Variants in TERT observed in about 807,000 individuals in gnomAD.
TERT encodes telomerase catalytic subunit.
In TERT, 42 loss-of-function variants were observed where a neutral mutation model predicts 104.0. The ratio of observed to expected loss-of-function variants is 0.40; its 90% CI spans 0.32 to 0.52. The LOEUF (loss-of-function observed/expected upper bound fraction) is 0.52, where lower values mean the gene tolerates loss of function less well. Among genes scored for constraint, TERT ranks in the 20% least tolerant of loss-of-function variants. The pLI, the probability that TERT is intolerant of heterozygous loss-of-function variation, is 0.43. For synonymous variants in TERT, 781 were observed against 725.6 expected (o/e 1.08, Z -1.23); for missense variants, 1,101 against 1,610.3 (o/e 0.68, Z 5.41).
rs1400300638 is a variant in TERT, at chr5:1,271,989, T to TAG, written c.2382+195_2382+196insCT. Among the ~76,000 whole-genome samples the TAG allele has an allele frequency of 6.6e-5, 10 of 152,358 alleles. No homozygotes were observed. The East Asian group carries it at 1.7e-3, about 26-fold the overall frequency. ...AGTCAAACGTGAGCAGGTGCCTGAA[T>TAG]GCAGCAGCTGTCGCAGCCTGGCATG... On this transcript the variant is annotated intron_variant, in intron 7 of 15. Transcript: ENST00000310581.
chr5:1,284,449 TCACCCCGGACCGGCAC>T, intron 2 of TERT, among the ~76,000 whole-genome samples: 2 of 105,930 alleles, frequency 1.9e-5, no homozygotes, highest in Non-Finnish European at 4.1e-5. Context: ...TCTGGCGACC[TCACCCCGGACCGGCAC>T]CATCCGGACT....
At chr5:1,259,752 C>T (rs1748074263) in intron 12 of TERT, among the ~76,000 whole-genome samples, 1 of 139,022 alleles carries the variant, frequency 7.2e-6, no homozygotes, top group Non-Finnish European at 1.5e-5. Flanking sequence ...ACGCGGATGC[C>T]CACAGGAGAG....
In TERT at chr5:1,292,596, T is replaced by A. The variant is rs1193371873; in HGVS notation, c.1573+717A>T. Among the ~76,000 whole-genome samples the A allele has an allele frequency of 6.6e-6, 1 of 152,130 alleles. No individual in the cohort carries two copies. Among genetic ancestry groups the A allele is most frequent in the Admixed American group, 6.5e-5 (1 of 15,270 alleles). On this transcript the variant is annotated intron_variant, in intron 2 of 15. Transcript: ENST00000310581. The surrounding 1 kb of genome is among the most constrained non-coding windows in gnomAD (Gnocchi z 5.5). ...GGCACAATCTCAGCTCACTGCAGCC[T>A]CCGCCTCCTGGGTTCAAGTGATTCT...
intron 15 of TERT, among the ~76,000 whole-genome samples, 160 bp downstream of exon 15, chr5:1,254,208 C>T (rs562607702): frequency 2.0e-5 from 3 of 152,242 alleles, no homozygotes; most frequent in Non-Finnish European, 4.4e-5. Context: ...GGGACACCAG[C>T]GTTTAATCAC....
chr5:1,259,488 G>A (rs1300058482), intron 12 of TERT, among the ~76,000 whole-genome samples: 3 of 124,374 alleles, frequency 2.4e-5, no homozygotes, highest in Admixed American at 8.2e-5. Context: ...GGACGCGGAC[G>A]CCCACAGGAG....
At chr5:1,259,077 A>G (rs1264299789) in intron 12 of TERT, among the ~76,000 whole-genome samples, 3 of 144,314 alleles carry the variant, frequency 2.1e-5, no homozygotes, top group East Asian at 2.1e-4. Flanking sequence ...AGTGGATGTA[A>G]ATGCCCACAG....
rs1748544217 is a variant in TERT at position 1,265,705 on chromosome 5, A to T, written c.2654+759T>A. ...CGGGTCCAAATGGGTTTTCACAAAC[A>T]CAGCCCAGCAAAGCACCTGAAACCA... On this transcript the variant is annotated intron_variant, in intron 10 of 15. Coordinates refer to ENST00000310581, the MANE Select transcript of TERT (RefSeq NM_198253.3). This position sits in a 1 kb window ranked among gnomAD's most constrained non-coding sequence, Gnocchi z 6.9. Among the ~76,000 whole-genome samples the T allele has an allele frequency of 6.6e-6, 1 of 152,126 alleles. No homozygotes were observed. Among genetic ancestry groups the T allele is most frequent in the Non-Finnish European group, 1.5e-5 (1 of 68,006 alleles).
At chr5:1,266,202 C>T (rs564019793) in intron 10 of TERT, among the ~76,000 whole-genome samples, 6 of 152,332 alleles carry the variant, frequency 3.9e-5, no homozygotes, top group South Asian at 2.1e-4. Flanking sequence ...GCCAGGTCAC[C>T]GCCTGCACTC....
rs1215076571 is a variant in TERT at position 1,255,688 on chromosome 5, G to A, written c.3033-277C>T. On this transcript the variant is annotated intron_variant, in intron 13 of 15. Coordinates refer to ENST00000310581, the MANE Select transcript of TERT (RefSeq NM_198253.3). This position sits in a 1 kb window ranked among gnomAD's most constrained non-coding sequence, Gnocchi z 6.9. Reference sequence around the variant, plus strand: ...TGGAGGCTGAAGCAGCTCCATCCTGGATGCCAGCCCCCCATGCTGGCTTCT... The same window carrying A: ...TGGAGGCTGAAGCAGCTCCATCCTGAATGCCAGCCCCCCATGCTGGCTTCT... Among the ~76,000 whole-genome samples, 1 of 152,226 alleles carries A rather than the reference G, an allele frequency of 6.6e-6. No homozygotes were observed. The highest frequency in any genetic ancestry group is 1.5e-5 in the Non-Finnish European group (1 of 68,038).
chr5:1,286,236 C>T lies in TERT; in HGVS notation c.1574-3612G>A, dbSNP rs898499618. Among the ~76,000 whole-genome samples, 5 of 152,098 alleles carry T rather than the reference C, an allele frequency of 3.3e-5. No individual in the cohort carries two copies. The highest frequency in any genetic ancestry group is 7.4e-5 in the Non-Finnish European group (5 of 68,022). On this transcript the variant is annotated intron_variant, in intron 2 of 15. Coordinates refer to ENST00000310581, the MANE Select transcript of TERT (RefSeq NM_198253.3). This position sits in a 1 kb window ranked among gnomAD's most constrained non-coding sequence, Gnocchi z 5.3. ...TGCATCATAAGCAGAGGTCCCCGGA[C>T]GTCGCTAGATGCCATGGAGGCCAGC... is the stretch of plus-strand genomic sequence containing the variant.
In TERT at chr5:1,264,497, G is replaced by A. The variant is rs779102560; in HGVS notation, c.2750C>T (p.Thr917Met). The change falls in exon 11 of 16, where the codon ACG becomes ATG. Residue 917 changes from threonine (T) to methionine (M), a missense_variant. Coordinates refer to ENST00000310581, the MANE Select transcript of TERT (RefSeq NM_198253.3). ...GTGGGCCGGCATCTGAACAAAAGCC[G>A]TGCCACCCAGGGCCTCGTCTTCTAC... ...FPVEDEALGG[T>M]AFVQMPAHGL... 30 of 1,613,856 alleles carry A rather than the reference G, an allele frequency of 1.9e-5. No homozygotes were observed. The highest frequency in any genetic ancestry group is 1.2e-4 in the African/African-American group (9 of 74,932).
Position 1,274,601 on chromosome 5 carries a change from T to C in TERT, c.2287-2321A>G, listed in dbSNP as rs933093616. Reference sequence around the variant, plus strand: ...GACCCCTCTCACGCACAGTTCTCAGTAGGGTGTGTGCGCCTCTGAGCACCG... The same window carrying C: ...GACCCCTCTCACGCACAGTTCTCAGCAGGGTGTGTGCGCCTCTGAGCACCG... On this transcript the variant is annotated intron_variant, in intron 6 of 15. Coordinates refer to ENST00000310581, the MANE Select transcript of TERT (RefSeq NM_198253.3). The surrounding 1 kb of genome is among the most constrained non-coding windows in gnomAD (Gnocchi z 5.3). Among the ~76,000 whole-genome samples the C allele has an allele frequency of 2.0e-5, 3 of 152,168 alleles. No homozygotes were observed. The highest frequency in any genetic ancestry group is 2.9e-5 in the Non-Finnish European group (2 of 68,026).
At chr5:1,282,224 A>G (rs567496120) in intron 3 of TERT, among the ~76,000 whole-genome samples, 2 of 152,330 alleles carry the variant, frequency 1.3e-5, no homozygotes, top group South Asian at 4.1e-4. Flanking sequence ...CAAACTCCTG[A>G]TTTTACAAGT....
chr5:1,279,341 C>T lies in TERT; in HGVS notation c.2080G>A (p.Val694Met), dbSNP rs121918662. The T allele has an allele frequency of 3.8e-6, 6 of 1,584,256 alleles. No individual in the cohort carries two copies. Among genetic ancestry groups the T allele is most frequent in the Non-Finnish European group, 5.1e-6 (6 of 1,167,620 alleles). Residue 694 changes from valine (V) to methionine (M), a missense_variant, in exon 5 of 16, where the codon GTG becomes ATG. Val to Met is a conservative substitution (Grantham distance 21). Around this residue, in one of 5 missense-constraint regions of TERT, gnomAD observed 463 missense variants for 797.5 expected, o/e 0.58. Transcript: ENST00000310581. ...GGGTCCTGGGCCCGCACACGCAGCACGAAGGTGCGCCAGGCCCTGTGGATA... is the reference window on the plus strand; with the variant it reads ...GGGTCCTGGGCCCGCACACGCAGCATGAAGGTGCGCCAGGCCCTGTGGATA... ...DDIHRAWRTF[V>M]LRVRAQDPPP...
chr5:1,262,993 A>T lies in TERT; in HGVS notation c.2843+1411T>A, dbSNP rs907161028. The stretch of plus-strand genomic sequence containing the variant: ...GTAAGGCTGTGAGAGGGAAGCAGGG[A>T]CTGTGGGGAGCACAGGAGACCGGCA... On this transcript the variant is annotated intron_variant, in intron 11 of 15. Transcript: ENST00000310581. This position sits in a 1 kb window ranked among gnomAD's most constrained non-coding sequence, Gnocchi z 5.6. Among the ~76,000 whole-genome samples, 1 of 152,188 alleles carries T rather than the reference A, an allele frequency of 6.6e-6. No homozygotes were observed. The highest frequency in any genetic ancestry group is 1.5e-5 in the Non-Finnish European group (1 of 68,034).
chr5:1,278,703 G>C lies in TERT; in HGVS notation c.2224C>G (p.Arg742Gly), dbSNP rs939537185. ...IIKPQNTYCV[R>G]RYAVVQKAAH... Reference sequence around the variant, plus strand: ...GCCTTCTGGACCACGGCATACCGACGCACGCAGTACGTGTTCTGGGGTTTG... The same window carrying C: ...GCCTTCTGGACCACGGCATACCGACCCACGCAGTACGTGTTCTGGGGTTTG... The change falls in exon 6 of 16, where the codon CGT (arginine) becomes GGT (glycine). Residue 742 changes from arginine (R) to glycine (G), a missense_variant. Physicochemically the swap from Arg to Gly is moderately radical, Grantham distance 125. Around this residue, in one of 5 missense-constraint regions of TERT, gnomAD observed 463 missense variants for 797.5 expected, o/e 0.58. Transcript: ENST00000310581. 1 of 1,614,182 alleles carries C rather than the reference G, an allele frequency of 6.2e-7. No homozygotes were observed.
rs1751304029 is a variant in TERT at position 1,294,993 on chromosome 5, G to A, written c.-4C>T. On this transcript the variant is annotated 5_prime_UTR_variant, in exon 1 of 16. Transcript: ENST00000310581. ...GGCAGCGGGGAGCGCGCGGCATCGC[G>A]GGGGTGGCCGGGGCCAGGGCTTCCC... 2 of 1,314,968 alleles carry A rather than the reference G, an allele frequency of 1.5e-6. No homozygotes were observed. The highest frequency in any genetic ancestry group is 2.3e-5 in the South Asian group (1 of 43,404). The allele number at this position is 1,314,968 out of a possible 1,614,324, so 81.5% of individuals were successfully genotyped here.
At position 1,268,498 on chromosome 5, in the gene TERT, C is replaced by A. The variant is rs765749413; in HGVS notation, c.2582+22G>T. 1 of 1,597,868 alleles carries A rather than the reference C, an allele frequency of 6.3e-7. No homozygotes were observed. The highest frequency in any genetic ancestry group is 2.2e-5 in the East Asian group (1 of 44,710). On this transcript the variant is annotated intron_variant, in intron 9 of 15. Transcript: ENST00000310581. This position sits in a 1 kb window ranked among gnomAD's most constrained non-coding sequence, Gnocchi z 5.5. ...GCAAATCAACCCCCACCCAAGCCCC[C>A]CTGGGGAAGAGGAGGCCTCACCCGT...
At position 1,286,401 on chromosome 5, in the gene TERT, C is replaced by A. The variant is rs2736100; in HGVS notation, c.1574-3777G>T. Among the ~76,000 whole-genome samples, 78,771 of 151,908 alleles carry A rather than the reference C, an allele frequency of 0.52. 20,520 individuals are homozygous for A. Among genetic ancestry groups the A allele is most frequent in the Admixed American group, 0.6 (9,124 of 15,272 alleles). ...GAAAAGCAGGGCGGGGGCAAAGCTA[C>A]AGAAACACTCAACACGGAAAACAAT... On this transcript the variant is annotated intron_variant, in intron 2 of 15. Transcript: ENST00000310581. This position sits in a 1 kb window ranked among gnomAD's most constrained non-coding sequence, Gnocchi z 5.3.
Sources: allele counts gnomAD v4.1 joint callset (sites outside exome capture counted in the v4.1 genomes callset), GRCh38; gene constraint gnomAD v4.1.1; regional missense constraint gnomAD v4.1.1; non-coding constraint Gnocchi (gnomAD v3.1); transcripts MANE v1.5; gene names NCBI Gene and HGNC (gene_info 2026-07-23, HGNC 2026-07-21).